The following MFSD1 variants were observed in gnomAD, a reference collection of about 807,000 sequenced individuals.
The protein encoded by MFSD1 is major facilitator superfamily domain containing 1, also known as lysosomal dipeptide transporter MFSD1.
A neutral mutation model predicts 67.1 loss-of-function variants in MFSD1; 59 were observed. The observed-to-expected ratio is 0.88, with a 90% CI of 0.71 to 1.09. The LOEUF (loss-of-function observed/expected upper bound fraction) is 1.09. Among genes scored for constraint, MFSD1 ranks in the 50% least tolerant of loss-of-function variants. The pLI, the probability that MFSD1 is intolerant of heterozygous loss-of-function variation, is 0.00. For missense variants in MFSD1, 552 were observed against 566.1 expected, an observed-to-expected ratio of 0.97 and a Z score of 0.25; for synonymous variants, 213 against 200.3, an observed-to-expected ratio of 1.06 and a Z score of -0.54.
At chr3:158,816,944 A>G (rs1404510880) in intron 7 of MFSD1, among the ~76,000 whole-genome samples, 1 of 151,848 alleles carries the variant, frequency 6.6e-6, no homozygotes, top group Non-Finnish European at 1.5e-5. Flanking sequence ...CAGGTTTGTC[A>G]AAGATCAGAT....
intron 1 of MFSD1, among the ~76,000 whole-genome samples, chr3:158,803,699 A>G (rs1729571846): frequency 6.6e-6 from 1 of 152,190 alleles, no homozygotes; most frequent in Non-Finnish European, 1.5e-5. Context: ...TTTTATCTTT[A>G]AAATAAATCC....
intron 6 of MFSD1, among the ~76,000 whole-genome samples, chr3:158,813,152 CT>C (rs899632957): frequency 1.5e-3 from 188 of 129,466 alleles, no homozygotes; most frequent in Middle Eastern, 4.0e-3. Flanking sequence ...ATGCTTTCTT[CT>C]TTTTTTTTTT....
At chr3:158,823,633 C>G (rs1029651981) in intron 12 of MFSD1, 108 bp downstream of exon 12, 2 of 856,656 alleles carry the variant, frequency 2.3e-6, no homozygotes, top group South Asian at 1.3e-5. Flanking sequence ...TCTGGGGTAG[C>G]GCTGAACCTG....
At chr3:158,808,956 G>A (rs1259636268) in intron 5 of MFSD1, 1 of 421,040 alleles carries the variant, frequency 2.4e-6, no homozygotes, top group Non-Finnish European at 4.2e-6. Context: ...GGAGTGAAAA[G>A]GTGATGTCAC....
chr3:158,823,837 C>T (rs1166584997), intron 12 of MFSD1, among the ~76,000 whole-genome samples: 2 of 152,140 alleles, frequency 1.3e-5, no homozygotes, highest in African/African-American at 4.8e-5. Flanking sequence ...AGGGGGGAAA[C>T]CGCACCTGTG....
chr3:158,810,513 G>A (rs895757887), intron 6 of MFSD1, among the ~76,000 whole-genome samples: 17 of 152,116 alleles, frequency 1.1e-4, no homozygotes, highest in African/African-American at 4.1e-4. Context: ...ATACATGTAA[G>A]TTCTTTCTGA....
At chr3:158,825,001 G>A (rs1264553738) in intron 13 of MFSD1, among the ~76,000 whole-genome samples, 1 of 152,118 alleles carries the variant, frequency 6.6e-6, no homozygotes, top group Non-Finnish European at 1.5e-5. Context: ...TTAAAAAAGT[G>A]GGTCATATAA....
chr3:158,823,790 T>G (rs1037988820), intron 12 of MFSD1, among the ~76,000 whole-genome samples: 1 of 152,144 alleles, frequency 6.6e-6, no homozygotes, highest in Non-Finnish European at 1.5e-5. Flanking sequence ...GGCTTCTTAG[T>G]GAGAAGCTGA....
At chr3:158,820,178 A>G in intron 8 of MFSD1, 37 bp from the exon 9 acceptor site, 1 of 1,247,538 alleles carries the variant, frequency 8.0e-7, no homozygotes, top group East Asian at 2.3e-5. Context: ...TAGGTATGCA[A>G]AATTATGCTG....
At chr3:158,824,375 C>T (rs1316665354) in intron 13 of MFSD1, 139 bp downstream of exon 13, 8 of 657,794 alleles carry the variant, frequency 1.2e-5, no homozygotes, top group Non-Finnish European at 2.1e-5. Context: ...TTCTAGCCCT[C>T]TGAAGATTCA....
chr3:158,818,749 C>G (rs553995617), intron 7 of MFSD1, among the ~76,000 whole-genome samples: 3 of 152,144 alleles, frequency 2.0e-5, no homozygotes, highest in Non-Finnish European at 4.4e-5. Context: ...AATCCTTTGC[C>G]TTACTTAAAA....
chr3:158,821,862 A>G, intron 10 of MFSD1, 122 bp from the exon 11 acceptor site: 2 of 1,135,966 alleles, frequency 1.8e-6, no homozygotes, highest in Non-Finnish European at 2.5e-6. Flanking sequence ...TTTTTTGATG[A>G]GCATTTTATA....
chr3:158,816,117 T>C (rs1446517631), intron 7 of MFSD1, among the ~76,000 whole-genome samples: 1 of 152,064 alleles, frequency 6.6e-6, no homozygotes, highest in Non-Finnish European at 1.5e-5. Context: ...TAAACATACA[T>C]GTGCATGTGT....
chr3:158,808,568 G>T (rs151243607), intron 5 of MFSD1, among the ~76,000 whole-genome samples: 30 of 152,204 alleles, frequency 2.0e-4, no homozygotes, highest in Non-Finnish European at 4.0e-4. Flanking sequence ...ATATAATATC[G>T]ATGGTAATGT....
chr3:158,829,057 A>G lies in MFSD1; in HGVS notation c.*75A>G, dbSNP rs1731172523. 1.4e-6 allele frequency: 2 copies of G among 1,430,470 alleles called. No homozygotes were observed. Among genetic ancestry groups the G allele is most frequent in the South Asian group, 1.3e-5 (1 of 74,632 alleles). The allele number at this position is 1,430,470 out of a possible 1,614,324, so 88.6% of individuals were successfully genotyped here. A position where few individuals can be genotyped will look rare whatever the true frequency, so the allele number is the denominator to read the frequency against. ...TGAAAACTTCCATTTTTAAAAATTT[A>G]GAGTTTAGTCATTAGAAAAAATAAT... On this transcript the variant is annotated 3_prime_UTR_variant, in exon 16 of 16. Coordinates refer to ENST00000415822, the MANE Select transcript of MFSD1 (RefSeq NM_022736.4).
chr3:158,821,505 G>A (rs1548092), intron 9 of MFSD1, 92 bp from the exon 10 acceptor site: 307,711 of 812,374 alleles, frequency 0.38, 60,323 homozygotes, highest in Middle Eastern at 0.48. Flanking sequence ...GAAAGAAGCT[G>A]ATTAAACTTG....
intron 15 of MFSD1, among the ~76,000 whole-genome samples, chr3:158,827,913 GGGGAGAGAGAGAGAGAGAGAGAGAGAGA>G (rs1731073753): frequency 4.8e-5 from 4 of 83,366 alleles, no homozygotes; most frequent in Admixed American, 3.3e-4. Context: ...AGAGAGAGAG[GGGGAGAGAGAGAGAGAGAGAGAGAGAGA>G]GGGGGAGAGA....
At position 158,819,702 on chromosome 3, in the gene MFSD1, G is replaced by A. The variant is rs769958466; in HGVS notation, c.706G>A (p.Asp236Asn). Reference protein sequence around the residue: ...LICALALAYLDQRAERILHKE... With the variant: ...LICALALAYLNQRAERILHKE... ...CTGTGCCTTGGCTCTTGCCTACTTG[G>A]ATCAGAGAGCAGAGAGAATCCTTCA... is the stretch of plus-strand genomic sequence containing the variant. Residue 236 changes from aspartate to asparagine, a missense_variant, in exon 8 of 16, where the codon GAT becomes AAT. Transcript: ENST00000415822. 6.2e-7 allele frequency: 1 copy of A among 1,609,796 alleles called. No homozygotes were observed. The highest frequency in any genetic ancestry group is 8.5e-7 in the Non-Finnish European group (1 of 1,177,208).
chr3:158,807,555 A>G (rs1729791928), intron 5 of MFSD1, 92 bp downstream of exon 5: 1 of 997,724 alleles, frequency 1.0e-6, no homozygotes, highest in Admixed American at 2.0e-5. Context: ...TCTTCTGGGG[A>G]ATTACTTCAA....
Sources: gnomAD v4.1 joint callset for allele counts (sites outside exome capture counted in the v4.1 genomes callset) on GRCh38, gnomAD v4.1.1 for gene constraint, MANE v1.5 for transcripts, NCBI Gene and HGNC (gene_info 2026-07-23, HGNC 2026-07-21) for gene names.